SSB: variants seen among roughly 807,000 people sequenced by gnomAD.
SSB encodes small RNA binding exonuclease protection factor La.
In SSB, 17 loss-of-function variants were observed where a neutral mutation model predicts 52.9. The ratio of observed to expected loss-of-function variants is 0.32; its 90% confidence interval spans 0.22 to 0.48. The LOEUF is 0.48. Ranked by LOEUF, SSB falls within the 20% of genes least tolerant of loss-of-function variation. The pLI, the probability that SSB is intolerant of heterozygous loss-of-function variation, is 0.99. For synonymous variants in SSB, 111 were observed against 152.1 expected, an observed-to-expected ratio of 0.73 and a Z score of 1.99; for missense variants, 314 against 463.6, an observed-to-expected ratio of 0.68 and a Z score of 2.96.
rs79940369 is a variant in SSB at position 169,801,509 on chromosome 2, G to GTTTT, written c.66+503_66+506dup. Among the ~76,000 whole-genome samples, 157 of 73,674 alleles carry GTTTT rather than the reference G, an allele frequency of 2.1e-3. 3 individuals carry two copies. Among genetic ancestry groups the GTTTT allele is most frequent in the African/African-American group, 3.6e-3 (69 of 19,250 alleles). 48.3% of individuals were successfully genotyped at this position (73,674 alleles called of 152,430 possible). ...TCTCAGCTATTGTAACTTTAATATA[G>GTTTT]TTTTTTTTTTTTTTTTTTTTTTTGA... On this transcript the variant is annotated intron_variant, in intron 2 of 11. Coordinates refer to ENST00000260956, the MANE Select transcript of SSB (RefSeq NM_003142.5).
chr2:169,806,991 T>G lies in SSB; in HGVS notation c.474T>G (p.Phe158Leu). 3 of 1,614,020 alleles carry G rather than the reference T, an allele frequency of 1.9e-6. No homozygotes were observed. Among genetic ancestry groups the G allele is most frequent in the Non-Finnish European group, 2.5e-6 (3 of 1,179,964 alleles). ...KAFKGSIFVV[F>L]DSIESAKKFV... ...TACAGGGATCAATTTTTGTTGTGTTTGATAGCATTGAATCTGCTAAGAAAT... is the reference window on the plus strand; with the variant it reads ...TACAGGGATCAATTTTTGTTGTGTTGGATAGCATTGAATCTGCTAAGAAAT... The change falls in exon 6 of 12, where the codon TTT becomes TTG. Residue 158 changes from phenylalanine to leucine, a missense_variant. Coordinates refer to ENST00000260956, the MANE Select transcript of SSB (RefSeq NM_003142.5).
At position 169,808,887 on chromosome 2, in the gene SSB, A is replaced by C; in HGVS notation, c.654A>C (p.Glu218Asp). ...AGCAAGAAGCAAAACAAAAGTTAGA[A>C]GAAGATGCTGAAATGGTAAGTATAT... ...KQEQEAKQKL[E>D]EDAEMKSLEE... Residue 218 changes from glutamate (E) to aspartate (D), a missense_variant, in exon 8 of 12, where the codon GAA becomes GAC. Glu to Asp is a conservative substitution (Grantham distance 45). Transcript: ENST00000260956. 6.3e-6 allele frequency: 10 copies of C among 1,597,584 alleles called. No individual in the cohort carries two copies. Among genetic ancestry groups the C allele is most frequent in the Non-Finnish European group, 6.9e-6 (8 of 1,165,540 alleles).
chr2:169,800,850 A>AT (rs1573956814), intron 1 of SSB, 102 bp from the exon 2 acceptor site: 3 of 834,920 alleles, frequency 3.6e-6, no homozygotes, highest in East Asian at 3.2e-5. Context: ...GAAATTCTTG[A>AT]TTTTTTAAGA....
At chr2:169,810,496 A>G in intron 9 of SSB, 73 bp downstream of exon 9, 1 of 1,366,186 alleles carries the variant, frequency 7.3e-7, no homozygotes, top group Non-Finnish European at 1.0e-6. Context: ...ATTAGTAGAA[A>G]GTAATTTTAA....
At chr2:169,808,967 C>T (rs1558972383) in intron 8 of SSB, 65 bp downstream of exon 8, 1 of 1,350,930 alleles carries the variant, frequency 7.4e-7, no homozygotes, top group South Asian at 1.2e-5. Flanking sequence ...GCTTTTAAGT[C>T]TGAGGACTTT....
In SSB at chr2:169,811,003, T is replaced by C. The variant is rs2105705436; in HGVS notation, c.956T>C (p.Ile319Thr). 1.2e-6 allele frequency: 2 copies of C among 1,612,140 alleles called. No homozygotes were observed. Among genetic ancestry groups the C allele is most frequent in the Non-Finnish European group, 1.7e-6 (2 of 1,179,588 alleles). The change falls in exon 10 of 12, where the codon ATA becomes ACA. Residue 319 changes from isoleucine to threonine, a missense_variant. Transcript: ENST00000260956. ...GAAAAAGAAGCACTGAAGAAAATAATAGAAGACCAACAAGAATCCCTAAAC... is the reference window on the plus strand; with the variant it reads ...GAAAAAGAAGCACTGAAGAAAATAACAGAAGACCAACAAGAATCCCTAAAC... ...EVEKEALKKI[I>T]EDQQESLNKW...
chr2:169,803,483 C>T (rs1048229196), intron 2 of SSB, among the ~76,000 whole-genome samples: 8 of 152,202 alleles, frequency 5.3e-5, no homozygotes, highest in South Asian at 2.1e-4. Context: ...CTCCTGACCT[C>T]GGGTGATCCA....
Position 169,810,338 on chromosome 2 carries a change from A to T in SSB, c.725A>T (p.Asp242Val). The change falls in exon 9 of 12, where the codon GAT (aspartate) becomes GTT (valine). Residue 242 changes from aspartate (D) to valine (V), a missense_variant. Asp to Val is a radical substitution (Grantham distance 152). Transcript: ENST00000260956. ...CTGAAATTTTCGGGTGATTTAGATG[A>T]TCAGACCTGTAGAGAAGATTTACAC... Reference protein sequence around the residue: ...CLLKFSGDLDDQTCREDLHIL... With the variant: ...CLLKFSGDLDVQTCREDLHIL... The T allele has an allele frequency of 6.2e-7, 1 of 1,610,120 alleles. No homozygotes were observed. Among genetic ancestry groups the T allele is most frequent in the Non-Finnish European group, 8.5e-7 (1 of 1,178,878 alleles).
chr2:169,808,695 T>A, intron 7 of SSB, 142 bp downstream of exon 7: 2 of 1,018,070 alleles, frequency 2.0e-6, no homozygotes, highest in South Asian at 1.6e-5. Flanking sequence ...CTTGACAATC[T>A]CAGGGCCAAA....
intron 2 of SSB, among the ~76,000 whole-genome samples, chr2:169,802,243 C>T (rs1363980206): frequency 6.6e-6 from 1 of 151,942 alleles, no homozygotes; most frequent in Non-Finnish European, 1.5e-5. Flanking sequence ...GGGGAGGCTG[C>T]CTGATTTGCA....
intron 2 of SSB, among the ~76,000 whole-genome samples, chr2:169,804,240 CT>C (rs11447613): frequency 2.5e-4 from 24 of 95,312 alleles, no homozygotes; most frequent in African/African-American, 7.0e-4. Flanking sequence ...TTTACTTTAA[CT>C]TTTTTTTTTT....
Position 169,808,530 on chromosome 2 carries a change from G to A in SSB, c.603G>A (p.Val201=), listed in dbSNP as rs2105702855. 1 of 1,613,122 alleles carries A rather than the reference G, an allele frequency of 6.2e-7. No individual in the cohort carries two copies. Among genetic ancestry groups the A allele is most frequent in the Non-Finnish European group, 8.5e-7 (1 of 1,179,328 alleles). Residue 201 remains valine, a synonymous_variant, in exon 7 of 12, where the codon GTG becomes GTA. Transcript: ENST00000260956. ...ATGAAGAAAGAAAACAAAATAAAGTGGAAGCTAAATTAAGAGCTAAACAGT... is the reference window on the plus strand; with the variant it reads ...ATGAAGAAAGAAAACAAAATAAAGTAGAAGCTAAATTAAGAGCTAAACAGT... ...KKNEERKQNK[V]EAKLRAKQEQ...
chr2:169,804,734 C>T (rs554330750), intron 2 of SSB, among the ~76,000 whole-genome samples: 23 of 152,168 alleles, frequency 1.5e-4, no homozygotes, highest in African/African-American at 4.6e-4. Context: ...TTAGTAGAGA[C>T]GGGGTTTGAC....
chr2:169,811,586 A>AACT (rs1284867385), intron 11 of SSB, 82 bp from the exon 12 acceptor site: 26 of 1,532,612 alleles, frequency 1.7e-5, no homozygotes, highest in Non-Finnish European at 2.2e-5. Context: ...TTTCAACAGT[A>AACT]TCATTATTAG....
At position 169,801,128 on chromosome 2, in the gene SSB, C is replaced by T. The variant is rs983455677; in HGVS notation, c.66+102C>T. The T allele has an allele frequency of 5.0e-5, 48 of 962,812 alleles. No homozygotes were observed. In the African/African-American group the frequency reaches 7.9e-4, roughly 16 times the overall value. 59.6% of individuals were successfully genotyped at this position (962,812 alleles called of 1,614,324 possible). A position where few individuals can be genotyped will look rare whatever the true frequency, so the allele number is the denominator to read the frequency against. On this transcript the variant is annotated intron_variant, in intron 2 of 11. Coordinates refer to ENST00000260956, the MANE Select transcript of SSB (RefSeq NM_003142.5). ...ATGGACATATTCAACATTTGGTTTG[C>T]CTTTGATTCTTAGATGAACATATAA...
chr2:169,811,802 CT>C lies in SSB; in HGVS notation c.*50del, dbSNP rs1689964619. ...TTCATTTTAAATAGGTTTTAAACGA[CT>C]TTTGTTTGCGGGGCTTTTAAAAGGA... On this transcript the variant is annotated 3_prime_UTR_variant, in exon 12 of 12. Coordinates refer to ENST00000260956, the MANE Select transcript of SSB (RefSeq NM_003142.5). 6.2e-7 allele frequency: 1 copy of C among 1,613,522 alleles called. No individual in the cohort carries two copies. Among genetic ancestry groups the C allele is most frequent in the African/African-American group, 1.3e-5 (1 of 74,912 alleles).
At chr2:169,802,641 G>C (rs1471276432) in intron 2 of SSB, among the ~76,000 whole-genome samples, 1 of 152,088 alleles carries the variant, frequency 6.6e-6, no homozygotes, top group Non-Finnish European at 1.5e-5. Flanking sequence ...AAAAGCTTTT[G>C]ACACTTTGCT....
At chr2:169,801,147 C>T (rs1689703814) in intron 2 of SSB, 121 bp downstream of exon 2, 1 of 667,434 alleles carries the variant, frequency 1.5e-6, no homozygotes, top group Non-Finnish European at 2.4e-6. Flanking sequence ...CTTAGATGAA[C>T]ATATAATAGC....
chr2:169,802,671 T>C (rs1245459378), intron 2 of SSB, among the ~76,000 whole-genome samples: 1 of 152,208 alleles, frequency 6.6e-6, no homozygotes, highest in Non-Finnish European at 1.5e-5. Flanking sequence ...TACTAATTTT[T>C]TTAGTGGACC....
Sources: allele counts gnomAD v4.1 joint callset (sites outside exome capture counted in the v4.1 genomes callset), GRCh38; gene constraint gnomAD v4.1.1; transcripts MANE v1.5; gene names NCBI Gene and HGNC (gene_info 2026-07-23, HGNC 2026-07-21).